Variants in DGKB observed in about 807,000 individuals in gnomAD.
The protein encoded by DGKB is 90 kDa diacylglycerol kinase.
A neutral mutation model predicts 114.3 loss-of-function variants in DGKB; 67 were observed. The observed-to-expected ratio is 0.59, with a 90% CI of 0.48 to 0.72. DGKB has a LOEUF of 0.72. Among genes scored for constraint, DGKB ranks in the 30% least tolerant of loss-of-function variants. DGKB has a pLI of 0.00. For synonymous variants in DGKB, 398 were observed against 323.1 expected (o/e 1.23, Z -2.49); for missense variants, 907 against 975.2 (o/e 0.93, Z 0.93).
At chr7:14,727,259 A>G (rs1830160129) in intron 5 of DGKB, among the ~76,000 whole-genome samples, 1 of 152,178 alleles carries the variant, frequency 6.6e-6, no homozygotes, top group Admixed American at 6.5e-5. Flanking sequence ...CAGATGGAAG[A>G]AAAAAGAAAC....
At chr7:14,910,243 AAAGAAAG>A (rs1272046291) in intron 1 of DGKB, among the ~76,000 whole-genome samples, 2 of 2,072 alleles carry the variant, frequency 9.7e-4, no homozygotes, top group East Asian at 8.1e-3. Flanking sequence ...TCCATCAAAA[AAAGAAAG>A]AAAGAAAGAA....
intron 21 of DGKB, among the ~76,000 whole-genome samples, chr7:14,471,547 T>C (rs1781399523): frequency 6.6e-6 from 1 of 150,824 alleles, no homozygotes; most frequent in Admixed American, 6.6e-5. Context: ...ATAAGTAATC[T>C]CATATTATTT....
At chr7:14,929,810 G>T (rs898156660) in intron 1 of DGKB, among the ~76,000 whole-genome samples, 4 of 152,038 alleles carry the variant, frequency 2.6e-5, no homozygotes, top group Non-Finnish European at 5.9e-5. Flanking sequence ...CTAATGTCCA[G>T]AAAAATTTTC....
At chr7:14,266,407 G>T (rs994342619) in intron 23 of DGKB, among the ~76,000 whole-genome samples, 11 of 152,162 alleles carry the variant, frequency 7.2e-5, no homozygotes, top group Admixed American at 5.9e-4. Flanking sequence ...CAGAAAATTT[G>T]CAAGGCCAAA....
intron 12 of DGKB, among the ~76,000 whole-genome samples, chr7:14,681,515 G>A (rs1820834450): frequency 6.6e-6 from 1 of 151,678 alleles, no homozygotes; most frequent in Non-Finnish European, 1.5e-5. Flanking sequence ...GTTGAGGGTG[G>A]GGCACTTGGG....
intron 23 of DGKB, among the ~76,000 whole-genome samples, chr7:14,261,609 C>G (rs1796787576): frequency 6.6e-6 from 1 of 152,096 alleles, no homozygotes; most frequent in Admixed American, 6.6e-5. Context: ...AATCCATAAT[C>G]CATTCAATAT....
intron 20 of DGKB, among the ~76,000 whole-genome samples, chr7:14,567,170 A>G (rs1464927288): frequency 1.0e-5 from 1 of 96,694 alleles, no homozygotes; most frequent in Non-Finnish European, 1.9e-5. Flanking sequence ...ATATTTATAT[A>G]TATTATATAT....
intron 20 of DGKB, among the ~76,000 whole-genome samples, chr7:14,555,144 T>A (rs1008102955): frequency 6.6e-6 from 1 of 152,196 alleles, no homozygotes; most frequent in African/African-American, 2.4e-5. Flanking sequence ...GAAGTAGAAA[T>A]ATGAATTTGT....
intron 1 of DGKB, among the ~76,000 whole-genome samples, chr7:14,892,396 T>C (rs1345688877): frequency 1.3e-5 from 2 of 151,168 alleles, no homozygotes; most frequent in African/African-American, 4.8e-5. Flanking sequence ...AAAATTGCCA[T>C]ACAGACCTCT....
At chr7:14,418,338 C>T (rs10242020) in intron 21 of DGKB, among the ~76,000 whole-genome samples, 34,519 of 132,278 alleles carry the variant, frequency 0.26, 4,878 homozygotes, top group East Asian at 0.47. Context: ...TATATATATA[C>T]ACACACATAT....
At chr7:14,888,105 A>G (rs1780601978) in intron 1 of DGKB, among the ~76,000 whole-genome samples, 1 of 151,802 alleles carries the variant, frequency 6.6e-6, no homozygotes, top group South Asian at 2.1e-4. Context: ...TAAATCTAGT[A>G]AAAACAGGAA....
chr7:14,548,179 ATG>A (rs1164057623), intron 20 of DGKB, among the ~76,000 whole-genome samples: 7 of 152,228 alleles, frequency 4.6e-5, no homozygotes, highest in African/African-American at 1.7e-4. Context: ...ATTTATTTAC[ATG>A]TGAGTGATCA....
At position 14,718,702 on chromosome 7, in the gene DGKB, C is replaced by G. The variant is rs763582084; in HGVS notation, c.323-17G>C. On this transcript the variant is annotated splice_polypyrimidine_tract_variant and intron_variant, in intron 5 of 25. Coordinates refer to ENST00000402815, the MANE Select transcript of DGKB (RefSeq NM_001350709.2). Reference sequence around the variant, plus strand: ...TTCTCAGACCTGGAAAAAAAATTGTCTTTATATTTTGTTAATTATTTACAG... The same window carrying G: ...TTCTCAGACCTGGAAAAAAAATTGTGTTTATATTTTGTTAATTATTTACAG... 2 of 1,585,728 alleles carry G rather than the reference C, an allele frequency of 1.3e-6. No homozygotes were observed. The highest frequency in any genetic ancestry group is 2.7e-5 in the African/African-American group (2 of 73,652).
At chr7:14,754,073 A>C (rs1427780679) in intron 3 of DGKB, 125 bp from the exon 4 acceptor site, 1 of 624,040 alleles carries the variant, frequency 1.6e-6, no homozygotes, top group Non-Finnish European at 2.8e-6. Flanking sequence ...CACACCCTAG[A>C]TCCATAGGCC....
intron 1 of DGKB, among the ~76,000 whole-genome samples, chr7:14,893,137 T>C (rs1421864580): frequency 6.6e-6 from 1 of 151,290 alleles, no homozygotes; most frequent in East Asian, 1.9e-4. Flanking sequence ...GATTAACTCT[T>C]TGAATGAGTC....
At chr7:14,843,417 C>T (rs1184642681) in intron 1 of DGKB, among the ~76,000 whole-genome samples, 1 of 146,222 alleles carries the variant, frequency 6.8e-6, no homozygotes, top group Non-Finnish European at 1.5e-5. Flanking sequence ...TCACTGCAAG[C>T]TCCGCTTCCC....
chr7:14,426,947 C>T (rs147600921), intron 21 of DGKB, among the ~76,000 whole-genome samples: 39 of 151,906 alleles, frequency 2.6e-4, no homozygotes, highest in African/African-American at 9.4e-4. Context: ...GTAATCCCAG[C>T]TACTTAAGAG....
intron 2 of DGKB, among the ~76,000 whole-genome samples, chr7:14,777,170 C>T (rs181575643): frequency 7.2e-5 from 11 of 152,212 alleles, no homozygotes; most frequent in East Asian, 5.8e-4. Context: ...CCTGTACCCC[C>T]GTTGTATCTA....
At chr7:14,790,246 T>C (rs1156882519) in intron 2 of DGKB, among the ~76,000 whole-genome samples, 1 of 152,232 alleles carries the variant, frequency 6.6e-6, no homozygotes, top group Non-Finnish European at 1.5e-5. Flanking sequence ...TCTACCTTTT[T>C]CTTCATTTCT....
Sources: gnomAD v4.1 joint callset for allele counts (sites outside exome capture counted in the v4.1 genomes callset) on GRCh38, gnomAD v4.1.1 for gene constraint, MANE v1.5 for transcripts, NCBI Gene and HGNC (gene_info 2026-07-23, HGNC 2026-07-21) for gene names.